The following RMST variants were observed in gnomAD, a reference collection of about 807,000 sequenced individuals.
RMST encodes rhabdomyosarcoma 2 associated transcript, also known as long intergenic non-protein coding RNA 54.
At chr12:97,563,072 G>C (rs1339191579) in intron 13 of RMST, among the ~76,000 whole-genome samples, 2 of 152,164 alleles carry the variant, frequency 1.3e-5, no homozygotes, top group African/African-American at 4.8e-5. Context: ...TTTCAGCATG[G>C]CCACTTATAA....
intron 10 of RMST, among the ~76,000 whole-genome samples, chr12:97,527,622 T>C (rs1486456339): frequency 6.6e-6 from 1 of 152,140 alleles, no homozygotes. Context: ...CAGTTCTGCA[T>C]CTTTGTAGGT....
intron 11 of RMST, chr12:97,541,087 T>A (rs963575119): frequency 1.3e-5 from 2 of 151,636 alleles, no homozygotes; most frequent in African/African-American, 4.8e-5. Context: ...TCTGGCTTAC[T>A]GGAAGTATAT....
intron 5 of RMST, among the ~76,000 whole-genome samples, chr12:97,489,173 C>T (rs1392151710): frequency 6.6e-6 from 1 of 152,154 alleles, no homozygotes; most frequent in African/African-American, 2.4e-5. Flanking sequence ...AGGCCAGGCA[C>T]AATGGCTCAC....
intron 11 of RMST, among the ~76,000 whole-genome samples, chr12:97,541,742 GA>G (rs1287898598): frequency 6.7e-6 from 1 of 148,744 alleles, no homozygotes; most frequent in Admixed American, 6.7e-5. Context: ...AAAAGAAAAA[GA>G]AAAAGAAGAT....
intron 10 of RMST, among the ~76,000 whole-genome samples, chr12:97,520,199 C>A (rs568570972): frequency 1.3e-5 from 2 of 152,292 alleles, no homozygotes; most frequent in Admixed American, 6.5e-5. Context: ...AATAGTGGAA[C>A]GTCTTTGGCC....
At chr12:97,536,426 T>C (rs867504117) in intron 11 of RMST, among the ~76,000 whole-genome samples, 1 of 151,564 alleles carries the variant, frequency 6.6e-6, no homozygotes, top group South Asian at 2.1e-4. Flanking sequence ...ATTGACAGAT[T>C]CATTTTCACT....
At chr12:97,491,581 T>C in intron 5 of RMST, 1 of 189,720 alleles carries the variant, frequency 5.3e-6, no homozygotes, top group Non-Finnish European at 1.2e-5. Flanking sequence ...ATTGCGAGCT[T>C]AACCTGGACC....
intron 11 of RMST, among the ~76,000 whole-genome samples, chr12:97,536,290 A>C (rs2136606851): frequency 6.7e-6 from 1 of 148,194 alleles, no homozygotes; most frequent in Admixed American, 6.7e-5. Context: ...TGTGAGGAAA[A>C]AACATGCAAA....
At chr12:97,478,295 A>G (rs1874803213) in intron 5 of RMST, among the ~76,000 whole-genome samples, 1 of 152,212 alleles carries the variant, frequency 6.6e-6, no homozygotes. Context: ...TATTTGCTTC[A>G]GTATCTATAA....
At chr12:97,528,415 T>C (rs1179994897) in intron 10 of RMST, among the ~76,000 whole-genome samples, 2 of 152,128 alleles carry the variant, frequency 1.3e-5, no homozygotes, top group Non-Finnish European at 2.9e-5. Context: ...TTATAGATAC[T>C]ATTGCAATGA....
intron 5 of RMST, among the ~76,000 whole-genome samples, chr12:97,480,664 C>T (rs1565918550): frequency 1.3e-5 from 2 of 152,190 alleles, no homozygotes; most frequent in South Asian, 2.1e-4. Flanking sequence ...GCTGCTTCCT[C>T]CCTCTTTCTA....
intron 10 of RMST, among the ~76,000 whole-genome samples, chr12:97,505,426 T>C (rs889785578): frequency 5.9e-5 from 9 of 152,210 alleles, no homozygotes; most frequent in Non-Finnish European, 1.2e-4. Flanking sequence ...CACTAGCAGA[T>C]GCTTGGTTCT....
chr12:97,472,444 C>T (rs186506563), intron 5 of RMST, among the ~76,000 whole-genome samples: 20 of 152,148 alleles, frequency 1.3e-4, no homozygotes, highest in Admixed American at 1.2e-3. Context: ...TATTTTAAGC[C>T]TGATGTTTTT....
chr12:97,506,766 C>A (rs545171785), intron 10 of RMST, among the ~76,000 whole-genome samples: 1 of 150,230 alleles, frequency 6.7e-6, no homozygotes, highest in Non-Finnish European at 1.5e-5. Context: ...TCACTGCAAC[C>A]TCTGCCTCCT....
chr12:97,502,408 A>C (rs563683512), intron 10 of RMST, among the ~76,000 whole-genome samples: 1 of 152,302 alleles, frequency 6.6e-6, no homozygotes, highest in Admixed American at 6.5e-5. Context: ...AGAAGTTTCC[A>C]CCTTGGTTGT....
chr12:97,554,182 G>A (rs1011199782), intron 11 of RMST, among the ~76,000 whole-genome samples: 9 of 151,988 alleles, frequency 5.9e-5, no homozygotes, highest in Non-Finnish European at 1.2e-4. Flanking sequence ...TTGAACTCCC[G>A]ACCTCAGGTG....
intron 5 of RMST, among the ~76,000 whole-genome samples, chr12:97,489,558 T>C (rs1346869178): frequency 6.6e-6 from 1 of 152,196 alleles, no homozygotes; most frequent in Admixed American, 6.5e-5. Flanking sequence ...GTCTATTTTC[T>C]CAAAAATAGG....
chr12:97,505,817 C>T (rs11109069), intron 10 of RMST, among the ~76,000 whole-genome samples: 26,104 of 152,086 alleles, frequency 0.17, 4,573 homozygotes, highest in African/African-American at 0.44. Context: ...CTTATAAAAT[C>T]CTTGTTACCA....
intron 11 of RMST, chr12:97,541,494 C>T (rs914868004): frequency 6.6e-6 from 1 of 151,514 alleles, no homozygotes; most frequent in African/African-American, 2.4e-5. Context: ...TTAGTTTCTC[C>T]TCGGTAAACA....
Sources: allele counts gnomAD v4.1 joint callset (sites outside exome capture counted in the v4.1 genomes callset), GRCh38; gene constraint gnomAD v4.1.1; transcripts MANE v1.5; gene names NCBI Gene and HGNC (gene_info 2026-07-23, HGNC 2026-07-21).